The following CFAP58 variants were observed in gnomAD, a reference collection of about 807,000 sequenced individuals.
CFAP58 encodes the protein cilia and flagella associated protein 58, also known as cilia- and flagella-associated protein 58.
A neutral mutation model predicts 119.5 loss-of-function variants in CFAP58; 88 were observed. The observed-to-expected ratio is 0.74, with a 90% CI of 0.62 to 0.88. The LOEUF (loss-of-function observed/expected upper bound fraction) is 0.88, where lower values mean the gene tolerates loss of function less well. CFAP58 is among the 40% of genes least tolerant of loss of function. The probability of loss-of-function intolerance (pLI) is 0.00; values close to 1 mark genes in which losing one functional copy is unlikely to be tolerated. For missense variants in CFAP58, 990 were observed against 1,021.2 expected, an observed-to-expected ratio of 0.97 and a Z score of 0.42; for synonymous variants, 365 against 366.3, an observed-to-expected ratio of 1.00 and a Z score of 0.04.
At chr10:104,374,494 T>C (rs1343539855) in intron 7 of CFAP58, among the ~76,000 whole-genome samples, 2 of 84,216 alleles carry the variant, frequency 2.4e-5, no homozygotes, top group Admixed American at 1.2e-4. Context: ...CCAGAAAGGA[T>C]AAACATATTA....
In CFAP58 at chr10:104,383,860, A is replaced by G. The variant is rs372518245; in HGVS notation, c.1365+3640A>G. 3.4e-4 allele frequency among the ~76,000 whole-genome samples: 52 copies of G among 152,226 alleles called. 1 individual carries two copies. The South Asian group carries it at 0.01, about 30-fold the overall frequency. On this transcript the variant is annotated intron_variant, in intron 9 of 17. Coordinates refer to ENST00000369704, the MANE Select transcript of CFAP58 (RefSeq NM_001008723.2). ...TGAGAAATAATATCAAAGGCTGGGG[A>G]AGATGTCATGAAACTGACATTTTCT...
intron 15 of CFAP58, among the ~76,000 whole-genome samples, chr10:104,414,512 C>A (rs1390761762): frequency 7.0e-6 from 1 of 142,300 alleles, no homozygotes; most frequent in Non-Finnish European, 1.5e-5. Context: ...CAGCAGCAAT[C>A]AGAGGTGAGC....
chr10:104,423,739 G>C (rs2133070436), intron 15 of CFAP58, among the ~76,000 whole-genome samples: 1 of 152,208 alleles, frequency 6.6e-6, no homozygotes, highest in South Asian at 2.1e-4. Context: ...AATGTTTTTG[G>C]ACAGCAGCAA....
rs1417371016 is a variant in CFAP58 at position 104,357,801 on chromosome 10, A to G, written c.10-540A>G. On this transcript the variant is annotated intron_variant, in intron 1 of 17. Coordinates refer to ENST00000369704, the MANE Select transcript of CFAP58 (RefSeq NM_001008723.2). ...TATGTGTGTTTATATACATATATATACACACATATATATGTACATATATAC... is the reference window on the plus strand; with the variant it reads ...TATGTGTGTTTATATACATATATATGCACACATATATATGTACATATATAC... 8.0e-5 allele frequency among the ~76,000 whole-genome samples: 11 copies of G among 138,280 alleles called. No individual in the cohort carries two copies. The South Asian group carries it at 1.5e-3, about 18-fold the overall frequency. 90.7% of individuals were successfully genotyped at this position (138,280 alleles called of 152,430 possible). A position where few individuals can be genotyped will look rare whatever the true frequency, so the allele number is the denominator to read the frequency against.
intron 15 of CFAP58, among the ~76,000 whole-genome samples, chr10:104,421,799 T>C (rs546479519): frequency 4.6e-5 from 7 of 152,366 alleles, no homozygotes; most frequent in Middle Eastern, 3.4e-3. Flanking sequence ...AAGATTTCAG[T>C]GTAAATTAAA....
intron 15 of CFAP58, among the ~76,000 whole-genome samples, chr10:104,438,083 G>A (rs1429991535): frequency 6.6e-6 from 1 of 152,132 alleles, no homozygotes; most frequent in African/African-American, 2.4e-5. Flanking sequence ...ACATTTGATG[G>A]GACATATGAT....
At chr10:104,368,623 A>T (rs971266086) in intron 6 of CFAP58, 63 bp downstream of exon 6, 2 of 1,578,580 alleles carry the variant, frequency 1.3e-6, no homozygotes, top group African/African-American at 2.7e-5. Context: ...TTGCCTTGGC[A>T]ATTGGAGCCC....
At chr10:104,434,724 TC>T (rs2012903283) in intron 15 of CFAP58, among the ~76,000 whole-genome samples, 1 of 152,260 alleles carries the variant, frequency 6.6e-6, no homozygotes, top group Non-Finnish European at 1.5e-5. Context: ...AGTGGACTTT[TC>T]TTTTCAGAAG....
chr10:104,384,445 G>T lies in CFAP58; in HGVS notation c.1365+4225G>T, dbSNP rs542603327. On this transcript the variant is annotated intron_variant, in intron 9 of 17. Coordinates refer to ENST00000369704, the MANE Select transcript of CFAP58 (RefSeq NM_001008723.2). ...TTGTGGTAAATCCTGTCTTGCTCAA[G>T]AACGAATAAAGAAAAAAGCAGCCTA... Among the ~76,000 whole-genome samples, 44 of 152,258 alleles carry T rather than the reference G, an allele frequency of 2.9e-4. No individual in the cohort carries two copies. The South Asian group carries it at 9.1e-3, about 32-fold the overall frequency.
At position 104,400,864 on chromosome 10, in the gene CFAP58, G is replaced by A. The variant is rs1308671303; in HGVS notation, c.2000G>A (p.Gly667Glu). The A allele has an allele frequency of 6.2e-7, 1 of 1,614,016 alleles. No homozygotes were observed. Among genetic ancestry groups the A allele is most frequent in the Non-Finnish European group, 8.5e-7 (1 of 1,180,020 alleles). The change falls in exon 13 of 18, where the codon GGG becomes GAG. Residue 667 changes from glycine (G) to glutamate (E), a missense_variant. By Grantham distance (98) the Gly-to-Glu change is moderately conservative. Coordinates refer to ENST00000369704, the MANE Select transcript of CFAP58 (RefSeq NM_001008723.2). ...LEIKKLRREK[G>E]ILARSMANVE... ...ATCAAGAAGCTTCGCCGGGAAAAGG[G>A]GATTCTTGCCAGGAGTATGGCTAAT...
At chr10:104,363,094 C>G (rs2014694056) in intron 3 of CFAP58, among the ~76,000 whole-genome samples, 1 of 152,248 alleles carries the variant, frequency 6.6e-6, no homozygotes, top group South Asian at 2.1e-4. Flanking sequence ...AACATCCTCT[C>G]CACATCCAGA....
intron 11 of CFAP58, among the ~76,000 whole-genome samples, chr10:104,396,434 G>GAGAGAA (rs2012161929): frequency 9.3e-6 from 1 of 107,032 alleles, no homozygotes; most frequent in Admixed American, 8.7e-5. Context: ...GAGAGAGAGA[G>GAGAGAA]AGAGAAAGAG....
intron 6 of CFAP58, 121 bp downstream of exon 6, chr10:104,368,681 G>T (rs1042598853): frequency 9.7e-7 from 1 of 1,025,724 alleles, no homozygotes; most frequent in Non-Finnish European, 1.4e-6. Flanking sequence ...TGACACATCA[G>T]AGGCAGGTGC....
chr10:104,345,848 G>T, the CFAP58 span, among the ~76,000 whole-genome samples: 2 of 152,084 alleles, frequency 1.3e-5, no homozygotes, highest in African/African-American at 4.8e-5. Flanking sequence ...AGACTTTCAG[G>T]GGATAGTAGA....
At chr10:104,371,253 T>C (rs1219756197) in intron 7 of CFAP58, among the ~76,000 whole-genome samples, 199 bp downstream of exon 7, 1 of 152,128 alleles carries the variant, frequency 6.6e-6, no homozygotes, top group African/African-American at 2.4e-5. Context: ...CCTTAAACAA[T>C]TCTTCCACAG....
chr10:104,400,933 G>A (rs372154289), intron 13 of CFAP58, 30 bp downstream of exon 13: 5 of 1,549,480 alleles, frequency 3.2e-6, no homozygotes, highest in Non-Finnish European at 2.7e-6. Context: ...AGGGCTGAAG[G>A]CACAGTGCAA....
the CFAP58 span, among the ~76,000 whole-genome samples, chr10:104,342,666 C>CAAA: frequency 4.4e-5 from 4 of 90,534 alleles, no homozygotes; most frequent in Non-Finnish European, 6.8e-5. Flanking sequence ...CCCGTCTATA[C>CAAA]AAAAAAAAAA....
At chr10:104,357,127 T>G (rs1356518457) in intron 1 of CFAP58, among the ~76,000 whole-genome samples, 1 of 152,192 alleles carries the variant, frequency 6.6e-6, no homozygotes, top group African/African-American at 2.4e-5. Flanking sequence ...AATACCTTTT[T>G]GGGGGACACA....
the CFAP58 span, among the ~76,000 whole-genome samples, chr10:104,339,033 C>G: frequency 1.6e-4 from 25 of 152,176 alleles, no homozygotes; most frequent in African/African-American, 6.0e-4. Context: ...CTCAGCCTCC[C>G]GAGTAGCTGG....
Sources: gnomAD v4.1 joint callset for allele counts (sites outside exome capture counted in the v4.1 genomes callset) on GRCh38, gnomAD v4.1.1 for gene constraint, MANE v1.5 for transcripts, NCBI Gene and HGNC (gene_info 2026-07-23, HGNC 2026-07-21) for gene names.